The following ACBD6 variants were observed in gnomAD, a reference collection of about 807,000 sequenced individuals.
ACBD6 encodes acyl-CoA-binding domain-containing protein 6.
In ACBD6, 28 loss-of-function variants were observed where a neutral mutation model predicts 37.2. The observed-to-expected ratio is 0.75, with a 90% confidence interval of 0.56 to 1.03. The LOEUF (loss-of-function observed/expected upper bound fraction) is 1.03. Ranked by LOEUF, ACBD6 falls within the 50% of genes least tolerant of loss-of-function variation. ACBD6 has a pLI of 0.00. For missense variants in ACBD6, 340 were observed against 337.4 expected (o/e 1.01, Z -0.06); for synonymous variants, 113 against 126.8 (o/e 0.89, Z 0.73).
At chr1:180,290,929 T>C (rs1484387321) in intron 7 of ACBD6, among the ~76,000 whole-genome samples, 1 of 151,916 alleles carries the variant, frequency 6.6e-6, no homozygotes, top group African/African-American at 2.4e-5. Context: ...TTATGAGGAG[T>C]GGAGTGGCAT....
intron 3 of ACBD6, among the ~76,000 whole-genome samples, chr1:180,431,008 CA>C (rs904633634): frequency 2.0e-5 from 3 of 152,134 alleles, no homozygotes; most frequent in African/African-American, 2.4e-5. Flanking sequence ...CTGCAAAAGT[CA>C]AAACTCTGAT....
At chr1:180,447,928 G>A (rs535361594) in intron 3 of ACBD6, among the ~76,000 whole-genome samples, 1 of 151,896 alleles carries the variant, frequency 6.6e-6, no homozygotes, top group East Asian at 1.9e-4. Flanking sequence ...AAGACCCAAT[G>A]GATAAACAGA....
intron 6 of ACBD6, among the ~76,000 whole-genome samples, chr1:180,396,712 G>C (rs1036898472): frequency 6.6e-6 from 1 of 151,970 alleles, no homozygotes. Context: ...TTAGTCATTA[G>C]GGAAATGTAA....
intron 5 of ACBD6, 47 bp downstream of exon 5, chr1:180,413,319 G>C (rs1484172487): frequency 6.8e-7 from 1 of 1,473,280 alleles, no homozygotes; most frequent in African/African-American, 1.4e-5. Context: ...CACTGGGGCA[G>C]AACAACCATG....
intron 7 of ACBD6, among the ~76,000 whole-genome samples, chr1:180,296,338 A>T (rs1649916700): frequency 6.6e-6 from 1 of 152,258 alleles, no homozygotes; most frequent in Non-Finnish European, 1.5e-5. Flanking sequence ...GTAAAGCAGT[A>T]AGTGCTGATG....
At chr1:180,397,962 A>T (rs1654325002) in intron 5 of ACBD6, among the ~76,000 whole-genome samples, 1 of 152,114 alleles carries the variant, frequency 6.6e-6, no homozygotes, top group Admixed American at 6.6e-5. Flanking sequence ...ATGAGGCAGG[A>T]GAATCGCTTG....
intron 6 of ACBD6, among the ~76,000 whole-genome samples, chr1:180,333,412 A>T (rs1312482321): frequency 6.6e-6 from 1 of 152,214 alleles, no homozygotes; most frequent in Non-Finnish European, 1.5e-5. Flanking sequence ...AATGAGTATG[A>T]AAAAGGCAAA....
downstream of ACBD6, among the ~76,000 whole-genome samples, chr1:180,286,818 G>C (rs1001700196): frequency 1.3e-5 from 2 of 152,148 alleles, no homozygotes; most frequent in African/African-American, 4.8e-5. Flanking sequence ...GCACTAATAT[G>C]CCTCATTTCT....
intron 3 of ACBD6, among the ~76,000 whole-genome samples, chr1:180,463,139 G>C (rs956506976): frequency 3.3e-5 from 5 of 152,056 alleles, no homozygotes; most frequent in Non-Finnish European, 5.9e-5. Flanking sequence ...AAGATCTCAA[G>C]TTAACAACCT....
intron 3 of ACBD6, among the ~76,000 whole-genome samples, chr1:180,459,433 T>C (rs1223409566): frequency 6.6e-6 from 1 of 152,180 alleles, no homozygotes; most frequent in Non-Finnish European, 1.5e-5. Flanking sequence ...CAGCTCTAAT[T>C]AGGTCCTGCA....
At chr1:180,307,559 C>A (rs116202828) in intron 7 of ACBD6, among the ~76,000 whole-genome samples, 179 of 152,216 alleles carry the variant, frequency 1.2e-3, no homozygotes, top group African/African-American at 3.9e-3. Flanking sequence ...GGAATGGACA[C>A]CCCATTTATC....
intron 9 of ACBD6, among the ~76,000 whole-genome samples, chr1:180,281,124 G>A (rs1410187961): frequency 6.6e-6 from 1 of 152,174 alleles, no homozygotes; most frequent in Non-Finnish European, 1.5e-5. Context: ...TAAAATGGCT[G>A]CAGCTCACAA....
At chr1:180,399,468 C>T (rs1647254708) in intron 5 of ACBD6, among the ~76,000 whole-genome samples, 1 of 152,066 alleles carries the variant, frequency 6.6e-6, no homozygotes, top group African/African-American at 2.4e-5. Context: ...TGGGGTTTCA[C>T]CATGTTGGCC....
At chr1:180,481,225 C>A (rs905586439) in intron 3 of ACBD6, among the ~76,000 whole-genome samples, 1 of 146,368 alleles carries the variant, frequency 6.8e-6, no homozygotes, top group Admixed American at 7.0e-5. Context: ...TGGCTTGGCC[C>A]ATGAAGGCGC....
intron 6 of ACBD6, among the ~76,000 whole-genome samples, chr1:180,343,736 C>G (rs559741376): frequency 6.6e-6 from 1 of 152,076 alleles, no homozygotes; most frequent in Non-Finnish European, 1.5e-5. Flanking sequence ...CTGCACAAAA[C>G]TTTGCATATA....
Position 180,281,777 on chromosome 1 carries a change from A to G in ACBD6, c.*94-391T>C, listed in dbSNP as rs549704272. Among the ~76,000 whole-genome samples the G allele has an allele frequency of 3.3e-5, 5 of 152,318 alleles. 1 individual carries two copies. The East Asian group carries it at 9.6e-4, about 29-fold the overall frequency. On this transcript the variant is annotated intron_variant, in intron 8 of 13. Coordinates refer to the ACBD6 transcript ENST00000642319. ...GTTAGGAGGGAGAAAAAAAAAATCA[A>G]TGTTTATAAAATGGGGCCAAATCAT...
intron 6 of ACBD6, among the ~76,000 whole-genome samples, chr1:180,362,620 T>C (rs1364391102): frequency 1.3e-5 from 2 of 152,172 alleles, no homozygotes; most frequent in Non-Finnish European, 2.9e-5. Context: ...CCTTCATACA[T>C]AGAGAGATGT....
intron 1 of ACBD6, among the ~76,000 whole-genome samples, chr1:180,496,020 A>G (rs997048772): frequency 6.6e-6 from 1 of 152,198 alleles, no homozygotes. Context: ...AAAGTACCCT[A>G]TTATGAAATT....
chr1:180,308,314 T>C (rs760996979), intron 7 of ACBD6, among the ~76,000 whole-genome samples: 6 of 152,230 alleles, frequency 3.9e-5, no homozygotes. Flanking sequence ...TTACTATGTC[T>C]GCTGTCATTC....
Sources: allele counts gnomAD v4.1 joint callset (sites outside exome capture counted in the v4.1 genomes callset), GRCh38; gene constraint gnomAD v4.1.1; transcripts MANE v1.5; gene names NCBI Gene and HGNC (gene_info 2026-07-23, HGNC 2026-07-21).